The following RAPGEF6 variants were observed in gnomAD, a reference collection of about 807,000 sequenced individuals.
The protein encoded by RAPGEF6 is Rap guanine nucleotide exchange factor 6, also known as PDZ domain containing guanine nucleotide exchange factor (GEF) 2.
In RAPGEF6, 56 loss-of-function variants were observed where a neutral mutation model predicts 171.4. That is an observed-to-expected ratio of 0.33 (90% confidence interval 0.26 to 0.41). The LOEUF is 0.41. Ranked by LOEUF, RAPGEF6 falls within the 10% of genes least tolerant of loss-of-function variation. RAPGEF6 has a pLI of 1.00. For synonymous variants in RAPGEF6, 692 were observed against 650.1 expected (o/e 1.06, Z -0.98); for missense variants, 1,674 against 1,921.4 (o/e 0.87, Z 2.41).
At chr5:131,599,033 G>A (rs889697788) in intron 3 of RAPGEF6, among the ~76,000 whole-genome samples, 11 of 152,192 alleles carry the variant, frequency 7.2e-5, no homozygotes, top group African/African-American at 2.2e-4. Flanking sequence ...AGCTTAGGCC[G>A]AGCGTGGGGG....
intron 5 of RAPGEF6, among the ~76,000 whole-genome samples, chr5:131,551,701 G>A (rs889506451): frequency 6.6e-6 from 1 of 152,032 alleles, no homozygotes; most frequent in South Asian, 2.1e-4. Context: ...GAGCAATGCA[G>A]AGATTTAAAC....
chr5:131,513,675 T>C (rs899195351), intron 7 of RAPGEF6, among the ~76,000 whole-genome samples: 5 of 152,180 alleles, frequency 3.3e-5, no homozygotes, highest in African/African-American at 1.2e-4. Context: ...AACCTTTTAA[T>C]ACCAACTGCA....
chr5:131,631,283 A>G (rs775330206), intron 1 of RAPGEF6, among the ~76,000 whole-genome samples: 2 of 152,246 alleles, frequency 1.3e-5, no homozygotes, highest in South Asian at 4.1e-4. Context: ...TGACATGTTC[A>G]AAACTGAATT....
In RAPGEF6 at chr5:131,495,634, T is replaced by A. The variant is rs1346453510; in HGVS notation, c.1446A>T (p.Val482=). 6.2e-7 allele frequency: 1 copy of A among 1,613,610 alleles called. No individual in the cohort carries two copies. Among genetic ancestry groups the A allele is most frequent in the Admixed American group, 1.7e-5 (1 of 59,982 alleles). The part of the protein sequence containing the change: ...DKVTRIVLLW[V]NNHFNDFEGD... ...CTTCAAAATCATTAAAATGATTATT[T>A]ACCCATAATAATACAATCCGTGTCA... The change falls in exon 13 of 28, where the codon GTA becomes GTT. Residue 482 remains valine, a synonymous_variant. Transcript: ENST00000509018.
intron 1 of RAPGEF6, among the ~76,000 whole-genome samples, chr5:131,632,075 C>CAAAAA (rs529399752): frequency 1.6e-5 from 1 of 63,740 alleles, no homozygotes; most frequent in African/African-American, 5.2e-5. Flanking sequence ...GACTCTGTCT[C>CAAAAA]AAAAAAAAAA....
intron 4 of RAPGEF6, among the ~76,000 whole-genome samples, chr5:131,582,749 T>C (rs1043688697): frequency 4.6e-5 from 7 of 152,174 alleles, no homozygotes; most frequent in East Asian, 1.9e-4. Flanking sequence ...TACAGAACTT[T>C]TGAAGCACAA....
intron 5 of RAPGEF6, among the ~76,000 whole-genome samples, chr5:131,557,243 G>T (rs1053044825): frequency 1.7e-5 from 1 of 57,446 alleles, no homozygotes; most frequent in East Asian, 2.6e-4. Context: ...TGTCTCAACT[G>T]ATTTAAAAAG....
At chr5:131,433,331 A>C in intron 25 of RAPGEF6, 99 bp downstream of exon 25, 1 of 949,852 alleles carries the variant, frequency 1.1e-6, no homozygotes, top group Non-Finnish European at 1.7e-6. Context: ...ATAACTCTGC[A>C]ATTACCCCAT....
chr5:131,627,761 C>T (rs906963014), intron 1 of RAPGEF6, among the ~76,000 whole-genome samples: 1 of 151,996 alleles, frequency 6.6e-6, no homozygotes, highest in African/African-American at 2.4e-5. Flanking sequence ...TCATGACAAC[C>T]CTGCATCAAG....
chr5:131,440,524 A>T (rs1561466064), intron 23 of RAPGEF6, among the ~76,000 whole-genome samples: 1 of 151,806 alleles, frequency 6.6e-6, no homozygotes, highest in African/African-American at 2.4e-5. Context: ...GATCACCTGA[A>T]GTCAGGAGTT....
chr5:131,487,311 C>T (rs142925723), intron 15 of RAPGEF6, among the ~76,000 whole-genome samples: 2 of 152,340 alleles, frequency 1.3e-5, no homozygotes, highest in East Asian at 3.9e-4. Context: ...AACAAAGCTT[C>T]CAGAGGGTGG....
chr5:131,557,076 C>T (rs1761282854), intron 5 of RAPGEF6, among the ~76,000 whole-genome samples: 1 of 152,116 alleles, frequency 6.6e-6, no homozygotes, highest in South Asian at 2.1e-4. Flanking sequence ...AGCTTAAGTA[C>T]TTCTCATACA....
At chr5:131,622,517 C>T (rs763362132) in intron 1 of RAPGEF6, among the ~76,000 whole-genome samples, 1 of 152,232 alleles carries the variant, frequency 6.6e-6, no homozygotes, top group Non-Finnish European at 1.5e-5. Context: ...ATGTGTCTCA[C>T]CTTTGGCATG....
At chr5:131,529,508 G>GA (rs552552709) in intron 6 of RAPGEF6, among the ~76,000 whole-genome samples, 199 of 151,294 alleles carry the variant, frequency 1.3e-3, no homozygotes, top group African/African-American at 4.6e-3. Flanking sequence ...AACTGAAGAC[G>GA]AAAGAGAATT....
At chr5:131,511,735 A>C (rs1169428521) in intron 7 of RAPGEF6, among the ~76,000 whole-genome samples, 1 of 152,124 alleles carries the variant, frequency 6.6e-6, no homozygotes, top group Non-Finnish European at 1.5e-5. Context: ...TCCTGGGCTC[A>C]TGTGATCCAC....
At chr5:131,616,981 C>T (rs1335130414) in intron 1 of RAPGEF6, among the ~76,000 whole-genome samples, 1 of 152,162 alleles carries the variant, frequency 6.6e-6, no homozygotes, top group East Asian at 1.9e-4. Flanking sequence ...CTCTTCTTAA[C>T]CTAGAAAATA....
intron 1 of RAPGEF6, among the ~76,000 whole-genome samples, chr5:131,628,225 T>C (rs996489879): frequency 2.0e-5 from 3 of 151,270 alleles, no homozygotes; most frequent in African/African-American, 4.9e-5. Flanking sequence ...ATGTTGTGAA[T>C]GCAAAGAAAA....
At chr5:131,493,675 G>GTT (rs976002124) in intron 13 of RAPGEF6, among the ~76,000 whole-genome samples, 4 of 146,580 alleles carry the variant, frequency 2.7e-5, no homozygotes, top group African/African-American at 7.5e-5. Context: ...AAAAGCTAAA[G>GTT]TTTTTTTTTT....
At chr5:131,458,023 GAAACC>G (rs1753639762) in intron 19 of RAPGEF6, among the ~76,000 whole-genome samples, 2 of 152,128 alleles carry the variant, frequency 1.3e-5, no homozygotes, top group Non-Finnish European at 2.9e-5. Flanking sequence ...TACTTAGGCA[GAAACC>G]ATTAGAAAAC....
Sources: allele counts gnomAD v4.1 joint callset (sites outside exome capture counted in the v4.1 genomes callset), GRCh38; gene constraint gnomAD v4.1.1; transcripts MANE v1.5; gene names NCBI Gene and HGNC (gene_info 2026-07-23, HGNC 2026-07-21).